TEX29: variants seen among roughly 807,000 people sequenced by gnomAD.
TEX29 encodes testis-expressed protein 29.
A neutral mutation model predicts 18.2 loss-of-function variants in TEX29; 26 were observed. That is an observed-to-expected ratio of 1.43 (90% CI 1.04 to 1.98). The LOEUF (loss-of-function observed/expected upper bound fraction) is 1.98, where lower values mean the gene tolerates loss of function less well. TEX29 is among the 30% of genes most tolerant of loss of function. The pLI is 0.00. For synonymous variants in TEX29, 83 were observed against 78.5 expected, an observed-to-expected ratio of 1.06 and a Z score of -0.31; for missense variants, 177 against 194.2, an observed-to-expected ratio of 0.91 and a Z score of 0.53.
chr13:111,329,354 C>G (rs905176141), intron 3 of TEX29, among the ~76,000 whole-genome samples: 1 of 152,014 alleles, frequency 6.6e-6, no homozygotes, highest in Non-Finnish European at 1.5e-5. Context: ...CTTTTCTCCA[C>G]CCCCACCACC....
intron 3 of TEX29, among the ~76,000 whole-genome samples, chr13:111,337,445 C>G (rs1023909182): frequency 1.3e-5 from 2 of 151,918 alleles, no homozygotes; most frequent in African/African-American, 4.8e-5. Flanking sequence ...CTCTTCTCCT[C>G]GCATGAGGGC....
At chr13:111,318,805 C>T (rs141016994), upstream of TEX29, among the ~76,000 whole-genome samples, 1,361 of 152,344 alleles carry the variant, frequency 8.9e-3, 17 homozygotes, top group African/African-American at 0.03. Flanking sequence ...CTGGCAGGTC[C>T]TCAGAGGGTG....
chr13:111,334,621 C>T lies in TEX29; in HGVS notation c.170-5242C>T, dbSNP rs575420567. Among the ~76,000 whole-genome samples, 7 of 152,370 alleles carry T rather than the reference C, an allele frequency of 4.6e-5. No homozygotes were observed. In the South Asian group the frequency reaches 6.2e-4, roughly 14 times the overall value. On this transcript the variant is annotated intron_variant, in intron 3 of 5. Coordinates refer to ENST00000283547, the MANE Select transcript of TEX29 (RefSeq NM_152324.3). ...AGAGCATTTCAGAGCTCTCTATGCA[C>T]ATCTCATTTCCCAGATTTTCATGCT...
intron 3 of TEX29, among the ~76,000 whole-genome samples, chr13:111,330,928 C>T (rs1265934388): frequency 6.6e-6 from 1 of 152,204 alleles, no homozygotes; most frequent in Non-Finnish European, 1.5e-5. Flanking sequence ...AGGTATGCCG[C>T]ATTTTGTTGA....
intron 4 of TEX29, among the ~76,000 whole-genome samples, chr13:111,342,107 G>A (rs911733895): frequency 2.0e-5 from 3 of 152,186 alleles, no homozygotes; most frequent in African/African-American, 4.8e-5. Flanking sequence ...AAGGAAGCAG[G>A]TGGCTATTCC....
chr13:111,331,665 T>C (rs1224567148), intron 3 of TEX29, among the ~76,000 whole-genome samples: 1 of 152,192 alleles, frequency 6.6e-6, no homozygotes, highest in Non-Finnish European at 1.5e-5. Context: ...ACCTGTAATA[T>C]CTTCTAAGAG....
At chr13:111,338,762 A>G (rs1200050791) in intron 3 of TEX29, among the ~76,000 whole-genome samples, 1 of 152,254 alleles carries the variant, frequency 6.6e-6, no homozygotes, top group Non-Finnish European at 1.5e-5. Context: ...TGATTAGCCA[A>G]CCACTTAAGA....
chr13:111,321,295 T>A (rs2093664146), intron 2 of TEX29, among the ~76,000 whole-genome samples: 1 of 152,322 alleles, frequency 6.6e-6, no homozygotes. Context: ...GTGACTTTTT[T>A]AATTAAGGAA....
At chr13:111,339,203 G>A (rs1259837320) in intron 3 of TEX29, 1 of 453,082 alleles carries the variant, frequency 2.2e-6, no homozygotes, top group East Asian at 7.0e-5. Context: ...GAAGGCACGG[G>A]AAACTTGGGG....
chr13:111,332,251 C>T (rs550463948), intron 3 of TEX29, among the ~76,000 whole-genome samples: 1 of 152,070 alleles, frequency 6.6e-6, no homozygotes, highest in South Asian at 2.1e-4. Context: ...GTGTACTGAT[C>T]TTGAGCTTTT....
At chr13:111,328,342 G>A in intron 3 of TEX29, 49 bp downstream of exon 3, 1 of 1,273,974 alleles carries the variant, frequency 7.8e-7, no homozygotes, top group Non-Finnish European at 1.1e-6. Flanking sequence ...GGTAGCTGGT[G>A]ACCATGCCGA....
At chr13:111,325,022 G>A (rs1222841398) in intron 2 of TEX29, among the ~76,000 whole-genome samples, 3 of 152,182 alleles carry the variant, frequency 2.0e-5, no homozygotes, top group South Asian at 2.1e-4. Flanking sequence ...CCACGCAGAC[G>A]GGGTGACGGG....
At chr13:111,343,189 C>T (rs2093699384) in intron 5 of TEX29, among the ~76,000 whole-genome samples, 1 of 152,192 alleles carries the variant, frequency 6.6e-6, no homozygotes. Flanking sequence ...CCTGTCATTT[C>T]ACCCTCTGGC....
At chr13:111,330,959 CAT>C (rs573807949) in intron 3 of TEX29, among the ~76,000 whole-genome samples, 133 of 152,352 alleles carry the variant, frequency 8.7e-4, no homozygotes, top group Non-Finnish European at 1.5e-3. Context: ...GGTTTATAGA[CAT>C]GTGGGTTGTT....
At chr13:111,342,719 A>G in intron 4 of TEX29, 37 bp from the exon 5 acceptor site, 1 of 1,597,848 alleles carries the variant, frequency 6.3e-7, no homozygotes, top group South Asian at 1.1e-5. Context: ...TTCCATCTGT[A>G]ACTTCCCTGA....
chr13:111,337,974 C>G (rs1029178621), intron 3 of TEX29, among the ~76,000 whole-genome samples: 1 of 152,172 alleles, frequency 6.6e-6, no homozygotes, highest in African/African-American at 2.4e-5. Flanking sequence ...TGGCTTCAAT[C>G]CCCTCTCAGT....
At chr13:111,326,419 G>T (rs61968037) in intron 2 of TEX29, among the ~76,000 whole-genome samples, 2,830 of 46,512 alleles carry the variant, frequency 0.061, 66 homozygotes, top group East Asian at 0.33. Flanking sequence ...TGGAGGAGAC[G>T]GTGGGCAGCG....
intron 3 of TEX29, chr13:111,339,572 TC>T: frequency 3.8e-6 from 2 of 528,482 alleles, no homozygotes; most frequent in Non-Finnish European, 6.9e-6. Flanking sequence ...CAGTGCCGTC[TC>T]TCCATGCACT....
chr13:111,320,997 G>GA lies in TEX29; in HGVS notation c.58+49_58+50insA, dbSNP rs772080929. ...GGCGGGTGGGGTGGGGGAGCAGTTGGGGGGGGGCACAGGGAGGAGCTGTTT... is the reference window on the plus strand; with the variant it reads ...GGCGGGTGGGGTGGGGGAGCAGTTGGAGGGGGGGCACAGGGAGGAGCTGTTT... On this transcript the variant is annotated intron_variant, in intron 2 of 5. Coordinates refer to ENST00000283547, the MANE Select transcript of TEX29 (RefSeq NM_152324.3). 68 of 1,072,784 alleles carry GA rather than the reference G, an allele frequency of 6.3e-5. No homozygotes were observed. In the Middle Eastern group the frequency reaches 9.0e-4, roughly 14 times the overall value. 66.5% of individuals were successfully genotyped at this position (1,072,784 alleles called of 1,614,324 possible).
Sources: gnomAD v4.1 joint callset for allele counts (sites outside exome capture counted in the v4.1 genomes callset) on GRCh38, gnomAD v4.1.1 for gene constraint, MANE v1.5 for transcripts, NCBI Gene and HGNC (gene_info 2026-07-23, HGNC 2026-07-21) for gene names.